Variants in SLC4A4 observed in about 807,000 individuals in gnomAD.
SLC4A4 encodes the protein solute carrier family 4 member 4.
In SLC4A4, 27 loss-of-function variants were observed where a neutral mutation model predicts 111.5. The ratio of observed to expected loss-of-function variants is 0.24; its 90% CI spans 0.18 to 0.33. The LOEUF is 0.33. SLC4A4 is among the 10% of genes least tolerant of loss of function. The probability of loss-of-function intolerance (pLI) is 1.00; values close to 1 mark genes in which losing one functional copy is unlikely to be tolerated. For synonymous variants in SLC4A4, 443 were observed against 463.4 expected, an observed-to-expected ratio of 0.96 and a Z score of 0.57; for missense variants, 909 against 1,315.5, an observed-to-expected ratio of 0.69 and a Z score of 4.78.
At chr4:71,299,665 C>T (rs765829449) in intron 3 of SLC4A4, among the ~76,000 whole-genome samples, 9 of 152,132 alleles carry the variant, frequency 5.9e-5, no homozygotes, top group African/African-American at 1.7e-4. Context: ...GGGGAGCCAG[C>T]GTTGTGGAGA....
intron 8 of SLC4A4, among the ~76,000 whole-genome samples, chr4:71,446,610 A>G (rs1315557314): frequency 6.6e-6 from 1 of 152,206 alleles, no homozygotes; most frequent in East Asian, 1.9e-4. Context: ...TCACCATTAA[A>G]TGGGAATAGG....
At chr4:71,394,212 C>T (rs1186547477) in intron 6 of SLC4A4, among the ~76,000 whole-genome samples, 1 of 151,986 alleles carries the variant, frequency 6.6e-6, no homozygotes, top group Non-Finnish European at 1.5e-5. Flanking sequence ...GCAAAGTAAA[C>T]AGACAACCCA....
chr4:71,314,448 C>A (rs1423178727), intron 3 of SLC4A4, among the ~76,000 whole-genome samples: 3 of 152,150 alleles, frequency 2.0e-5, no homozygotes, highest in African/African-American at 7.2e-5. Flanking sequence ...AAACATTGTA[C>A]TATAAAGACA....
chr4:71,186,799 C>A (rs1208920060), upstream of SLC4A4: 1 of 152,232 alleles, frequency 6.6e-6, no homozygotes, highest in Non-Finnish European at 1.5e-5. Flanking sequence ...TTCCGTGAGC[C>A]CCCGCACCCC....
At chr4:71,343,290 A>G (rs1255496588) in intron 4 of SLC4A4, among the ~76,000 whole-genome samples, 2 of 152,210 alleles carry the variant, frequency 1.3e-5, no homozygotes, top group Non-Finnish European at 2.9e-5. Flanking sequence ...ATGGAATGAA[A>G]GACCCAAGGT....
intron 1 of SLC4A4, among the ~76,000 whole-genome samples, chr4:71,208,113 T>C (rs1352076392): frequency 6.6e-6 from 1 of 152,024 alleles, no homozygotes; most frequent in Non-Finnish European, 1.5e-5. Context: ...CTGGCTGCTC[T>C]CCTCCTTTGA....
chr4:71,374,072 A>G (rs770847323), intron 6 of SLC4A4, among the ~76,000 whole-genome samples: 10 of 152,170 alleles, frequency 6.6e-5, no homozygotes, highest in Non-Finnish European at 1.5e-4. Flanking sequence ...ACTCTTCTAG[A>G]TTCCTGCTTT....
chr4:71,120,871 C>T (rs972777679), intron 2 of SLC4A4, among the ~76,000 whole-genome samples: 24 of 152,228 alleles, frequency 1.6e-4, no homozygotes, highest in Non-Finnish European at 2.4e-4. Context: ...GTGGGAGCCC[C>T]TCTCTGGGCT....
intron 1 of SLC4A4, among the ~76,000 whole-genome samples, chr4:71,211,672 T>A (rs1233928595): frequency 6.6e-6 from 1 of 152,076 alleles, no homozygotes; most frequent in African/African-American, 2.4e-5. Context: ...TTTTCACAAA[T>A]CTTTATTGCT....
At chr4:71,509,861 G>A (rs1385576153) in intron 16 of SLC4A4, among the ~76,000 whole-genome samples, 2 of 152,192 alleles carry the variant, frequency 1.3e-5, no homozygotes, top group Non-Finnish European at 2.9e-5. Context: ...ACCTGGGGTT[G>A]TGGTGCTGCA....
chr4:71,127,676 T>C (rs1743594989), intron 2 of SLC4A4, among the ~76,000 whole-genome samples: 1 of 152,226 alleles, frequency 6.6e-6, no homozygotes, highest in African/African-American at 2.4e-5. Flanking sequence ...TTTCACTTTT[T>C]AAGATATGTT....
chr4:71,088,802 G>T (rs190174192), intron 1 of SLC4A4, among the ~76,000 whole-genome samples: 1 of 151,986 alleles, frequency 6.6e-6, no homozygotes, highest in African/African-American at 2.4e-5. Flanking sequence ...TTTCCTTTGT[G>T]GGTAACCCGA....
chr4:71,298,246 C>A (rs1724964783), intron 3 of SLC4A4, among the ~76,000 whole-genome samples: 1 of 152,110 alleles, frequency 6.6e-6, no homozygotes, highest in Admixed American at 6.5e-5. Context: ...AACTAATATA[C>A]CCAGCTTGGG....
intron 22 of SLC4A4, among the ~76,000 whole-genome samples, chr4:71,558,992 C>T (rs1736724851): frequency 6.6e-6 from 1 of 151,854 alleles, no homozygotes; most frequent in Non-Finnish European, 1.5e-5. Flanking sequence ...GACCAGGATA[C>T]ATTTGAATTA....
chr4:71,295,128 G>A (rs1258315893), intron 3 of SLC4A4, among the ~76,000 whole-genome samples: 3 of 152,184 alleles, frequency 2.0e-5, no homozygotes, highest in Admixed American at 6.5e-5. Context: ...TCTGCAGGGA[G>A]TGATAATTGG....
intron 3 of SLC4A4, among the ~76,000 whole-genome samples, chr4:71,269,281 A>G (rs1263934440): frequency 1.3e-5 from 2 of 152,366 alleles, no homozygotes; most frequent in African/African-American, 2.4e-5. Context: ...TCTAAAGTCA[A>G]CTGAATTCTA....
intron 1 of SLC4A4, among the ~76,000 whole-genome samples, chr4:71,222,804 G>A (rs1484176257): frequency 6.6e-6 from 1 of 152,166 alleles, no homozygotes; most frequent in Non-Finnish European, 1.5e-5. Context: ...TGCAGCCCAC[G>A]TGGTGAGTGA....
chr4:71,439,003 C>A (rs1342742166), intron 7 of SLC4A4, among the ~76,000 whole-genome samples: 17 of 148,726 alleles, frequency 1.1e-4, no homozygotes, highest in Non-Finnish European at 1.5e-4. Context: ...AGTTCTATCT[C>A]AGAAAAAAAA....
chr4:71,284,974 T>G (rs1175724796), intron 3 of SLC4A4, among the ~76,000 whole-genome samples: 1 of 152,176 alleles, frequency 6.6e-6, no homozygotes, highest in African/African-American at 2.4e-5. Context: ...TGGAGTAATA[T>G]TCCTTAGAGT....
Sources: allele counts gnomAD v4.1 joint callset (sites outside exome capture counted in the v4.1 genomes callset), GRCh38; gene constraint gnomAD v4.1.1; transcripts MANE v1.5; gene names NCBI Gene and HGNC (gene_info 2026-07-23, HGNC 2026-07-21).